PRIMA1: variants seen among roughly 807,000 people sequenced by gnomAD.
PRIMA1 encodes the protein proline-rich membrane anchor 1.
Under a neutral mutation model 17.5 loss-of-function variants are expected in PRIMA1, and 7 were observed. That is an observed-to-expected ratio of 0.40 (90% CI 0.23 to 0.75). The LOEUF is 0.75. Ranked by LOEUF, PRIMA1 falls within the 30% of genes least tolerant of loss-of-function variation. The pLI, the probability that PRIMA1 is intolerant of heterozygous loss-of-function variation, is 0.37. For synonymous variants in PRIMA1, 97 were observed against 77.9 expected (o/e 1.25, Z -1.29); for missense variants, 200 against 201.8 (o/e 0.99, Z 0.05).
At chr14:93,773,821 C>T (rs1337252494) in intron 3 of PRIMA1, among the ~76,000 whole-genome samples, 5 of 152,096 alleles carry the variant, frequency 3.3e-5, no homozygotes, top group African/African-American at 9.7e-5. Context: ...TGGCTGGGCA[C>T]GGTGGCTCAC....
intron 2 of PRIMA1, among the ~76,000 whole-genome samples, chr14:93,780,143 T>C (rs563102230): frequency 8.9e-4 from 136 of 152,336 alleles, no homozygotes; most frequent in African/African-American, 3.2e-3. Context: ...GCTGCTCCAG[T>C]GGTGGAAATG....
chr14:93,740,000 G>C (rs911711741), intron 3 of PRIMA1, among the ~76,000 whole-genome samples: 4 of 151,896 alleles, frequency 2.6e-5, no homozygotes, highest in African/African-American at 9.7e-5. Flanking sequence ...GGGAGGTGGA[G>C]GTTGCAGTGA....
intron 3 of PRIMA1, among the ~76,000 whole-genome samples, chr14:93,750,251 T>C (rs2076252019): frequency 6.6e-6 from 1 of 152,032 alleles, no homozygotes; most frequent in African/African-American, 2.4e-5. Context: ...TAAAATTATC[T>C]GGGCATGGTG....
intron 3 of PRIMA1, among the ~76,000 whole-genome samples, chr14:93,740,071 A>AG (rs972362586): frequency 6.6e-6 from 1 of 151,526 alleles, no homozygotes; most frequent in African/African-American, 2.4e-5. Flanking sequence ...GCTAAAAAAA[A>AG]AATCAATAAA....
At chr14:93,764,782 G>A (rs1173059313) in intron 3 of PRIMA1, among the ~76,000 whole-genome samples, 2 of 152,162 alleles carry the variant, frequency 1.3e-5, no homozygotes, top group African/African-American at 2.4e-5. Flanking sequence ...GCAGGTGTCA[G>A]GTCACCCATG....
rs1389388606 is a variant in PRIMA1, at chr14:93,787,731, C to G, written c.-13G>C. On this transcript the variant is annotated 5_prime_UTR_variant, in exon 2 of 5. Coordinates refer to ENST00000393140, the MANE Select transcript of PRIMA1 (RefSeq NM_178013.4). Reference sequence around the variant, plus strand: ...CCCGGAGGAGCATCTCGGCCAGCGGCGCCCGCTCCTGGGGCGAACTGTCAG... The same window carrying G: ...CCCGGAGGAGCATCTCGGCCAGCGGGGCCCGCTCCTGGGGCGAACTGTCAG... The G allele has an allele frequency of 1.3e-6, 2 of 1,542,038 alleles. No individual in the cohort carries two copies. Among genetic ancestry groups the G allele is most frequent in the East Asian group, 4.9e-5 (2 of 40,892 alleles).
chr14:93,776,465 G>T (rs1885224507), intron 3 of PRIMA1, among the ~76,000 whole-genome samples: 1 of 152,066 alleles, frequency 6.6e-6, no homozygotes, highest in African/African-American at 2.4e-5. Context: ...CTGGTTTCAG[G>T]CCCTCTTGGA....
intron 4 of PRIMA1, among the ~76,000 whole-genome samples, chr14:93,727,188 G>A (rs532586418): frequency 4.6e-5 from 7 of 152,310 alleles, no homozygotes; most frequent in South Asian, 2.1e-4. Context: ...CTGTTTGGCC[G>A]CCTCCGCTGA....
At chr14:93,755,145 T>C (rs2076283021) in intron 3 of PRIMA1, among the ~76,000 whole-genome samples, 2 of 152,164 alleles carry the variant, frequency 1.3e-5, no homozygotes, top group Admixed American at 1.3e-4. Context: ...GCCTAAGAGT[T>C]AGCTCAGGTG....
intron 2 of PRIMA1, among the ~76,000 whole-genome samples, chr14:93,784,776 A>G (rs1885474744): frequency 6.6e-6 from 1 of 152,156 alleles, no homozygotes; most frequent in African/African-American, 2.4e-5. Context: ...CCCGGGTCCA[A>G]GCTGTTTGCT....
intron 3 of PRIMA1, among the ~76,000 whole-genome samples, chr14:93,744,123 C>T (rs1461970815): frequency 1.3e-5 from 2 of 152,384 alleles, no homozygotes; most frequent in East Asian, 3.9e-4. Context: ...CGAGGCCACA[C>T]AGGGACCAGA....
intron 2 of PRIMA1, among the ~76,000 whole-genome samples, chr14:93,783,271 G>A (rs965667231): frequency 2.0e-5 from 3 of 152,172 alleles, no homozygotes; most frequent in East Asian, 1.9e-4. Context: ...GGGCATAACC[G>A]GGAGAGATAG....
At chr14:93,741,194 G>A (rs527259611) in intron 3 of PRIMA1, among the ~76,000 whole-genome samples, 3 of 152,368 alleles carry the variant, frequency 2.0e-5, no homozygotes, top group African/African-American at 7.2e-5. Flanking sequence ...AAGAATGCAT[G>A]CTTATTTATC....
At chr14:93,734,601 T>C (rs1208193689) in intron 4 of PRIMA1, among the ~76,000 whole-genome samples, 1 of 133,948 alleles carries the variant, frequency 7.5e-6, no homozygotes, top group African/African-American at 2.7e-5. Flanking sequence ...CCCAAAGCGC[T>C]GGAATAATCC....
intron 3 of PRIMA1, among the ~76,000 whole-genome samples, chr14:93,738,394 G>A (rs552677742): frequency 2.0e-4 from 30 of 152,288 alleles, no homozygotes; most frequent in African/African-American, 7.0e-4. Context: ...ATGGGAGGGA[G>A]AAAGGAAGGA....
chr14:93,724,995 C>T (rs1403030537), intron 4 of PRIMA1, among the ~76,000 whole-genome samples: 2 of 152,130 alleles, frequency 1.3e-5, no homozygotes, highest in African/African-American at 4.8e-5. Context: ...GGAGACAGTT[C>T]TAAAGGCTTC....
At chr14:93,729,351 A>G (rs2141154503) in intron 4 of PRIMA1, among the ~76,000 whole-genome samples, 1 of 152,198 alleles carries the variant, frequency 6.6e-6, no homozygotes, top group South Asian at 2.1e-4. Flanking sequence ...AGTGGGGAGG[A>G]GGGAGTGTTG....
At chr14:93,770,207 C>T (rs1885018063) in intron 3 of PRIMA1, among the ~76,000 whole-genome samples, 1 of 152,168 alleles carries the variant, frequency 6.6e-6, no homozygotes, top group South Asian at 2.1e-4. Flanking sequence ...TGGCAACAGC[C>T]TCCTCACTGG....
chr14:93,743,921 A>C (rs2076199989), intron 3 of PRIMA1, among the ~76,000 whole-genome samples: 1 of 152,222 alleles, frequency 6.6e-6, no homozygotes, highest in Non-Finnish European at 1.5e-5. Flanking sequence ...GGACGCTGAA[A>C]AGCACTTAGG....
Sources: allele counts gnomAD v4.1 joint callset (sites outside exome capture counted in the v4.1 genomes callset), GRCh38; gene constraint gnomAD v4.1.1; transcripts MANE v1.5; gene names NCBI Gene and HGNC (gene_info 2026-07-23, HGNC 2026-07-21).